IGF1R: variants seen among roughly 807,000 people sequenced by gnomAD.
IGF1R encodes the protein insulin-like growth factor 1 receptor.
Under a neutral mutation model 144.6 loss-of-function variants are expected in IGF1R, and 44 were observed. The ratio of observed to expected loss-of-function variants is 0.30; its 90% CI spans 0.24 to 0.39. The LOEUF (loss-of-function observed/expected upper bound fraction) is 0.39. IGF1R is among the 10% of genes least tolerant of loss of function. The probability of loss-of-function intolerance (pLI) is 1.00; values close to 1 mark genes in which losing one functional copy is unlikely to be tolerated. For synonymous variants in IGF1R, 795 were observed against 722.8 expected, an observed-to-expected ratio of 1.10 and a Z score of -1.60; for missense variants, 1,355 against 1,833.7, an observed-to-expected ratio of 0.74 and a Z score of 4.77.
chr15:98,708,010 G>C lies in IGF1R; in HGVS notation c.543G>C (p.Leu181=), dbSNP rs949947768. Residue 181 remains leucine, a synonymous_variant, in exon 2 of 21, where the codon CTG becomes CTC. Transcript: ENST00000650285. The part of the protein sequence containing the change: ...GNKPPKECGD[L]CPGTMEEKPM... Reference sequence around the variant, plus strand: ...AGCCCCCAAAGGAATGTGGGGACCTGTGTCCAGGGACCATGGAGGAGAAGC... The same window carrying C: ...AGCCCCCAAAGGAATGTGGGGACCTCTGTCCAGGGACCATGGAGGAGAAGC... The C allele has an allele frequency of 1.2e-6, 2 of 1,614,028 alleles. No homozygotes were observed. Among genetic ancestry groups the C allele is most frequent in the African/African-American group, 1.3e-5 (1 of 74,914 alleles).
At chr15:98,874,928 GC>G (rs1203639876) in intron 2 of IGF1R, among the ~76,000 whole-genome samples, 3 of 152,192 alleles carry the variant, frequency 2.0e-5, no homozygotes, top group East Asian at 3.8e-4. Context: ...CCTGGCTCGT[GC>G]TGCAGTGAAC....
At chr15:98,710,161 C>G (rs1289260093) in intron 2 of IGF1R, among the ~76,000 whole-genome samples, 1 of 152,146 alleles carries the variant, frequency 6.6e-6, no homozygotes, top group Non-Finnish European at 1.5e-5. Flanking sequence ...CAGACAGAGC[C>G]TTGATATCAC....
In IGF1R at chr15:98,960,490, C is replaced by T. The variant is rs968993170; in HGVS notation, c.*3048C>T. On this transcript the variant is annotated 3_prime_UTR_variant, in exon 21 of 21. Transcript: ENST00000650285. Reference sequence around the variant, plus strand: ...CCAACACATTTCGTCCTTAAGAGAGCAGTGGTTCCTCAGGTTCTGAGGAGA... The same window carrying T: ...CCAACACATTTCGTCCTTAAGAGAGTAGTGGTTCCTCAGGTTCTGAGGAGA... 1 of 233,178 alleles carries T rather than the reference C, an allele frequency of 4.3e-6. No individual in the cohort carries two copies. The highest frequency in any genetic ancestry group is 8.5e-6 in the Non-Finnish European group (1 of 118,066). 14.4% of individuals were successfully genotyped at this position (233,178 alleles called of 1,614,324 possible).
chr15:98,923,846 C>T (rs375654285), intron 11 of IGF1R, 30 bp from the exon 12 acceptor site: 7 of 1,610,466 alleles, frequency 4.3e-6, no homozygotes, highest in African/African-American at 2.7e-5. Context: ...GAACCCAAAT[C>T]CAACTTTGTC....
rs750787173 is a variant in IGF1R at position 98,899,589 on chromosome 15, T to G, written c.1215T>G (p.Leu405=). 14 of 1,614,034 alleles carry G rather than the reference T, an allele frequency of 8.7e-6. No individual in the cohort carries two copies. In the Admixed American group the frequency reaches 2.3e-4, roughly 27 times the overall value. Residue 405 remains leucine (L), a synonymous_variant, in exon 5 of 21, where the codon CTT becomes CTG. Coordinates refer to ENST00000650285, the MANE Select transcript of IGF1R (RefSeq NM_000875.5). ...TCTCCTTGTCCTTCCTAAAAAACCTTCGCCTCATCCTAGGAGAGGAGCAGC... is the reference window on the plus strand; with the variant it reads ...TCTCCTTGTCCTTCCTAAAAAACCTGCGCCTCATCCTAGGAGAGGAGCAGC... ...ALVSLSFLKN[L]RLILGEEQLE... is the part of the protein sequence containing the mutation.
In IGF1R at chr15:98,649,162, C is replaced by T. The variant is rs1409560290; in HGVS notation, c.-420C>T. The stretch of plus-strand genomic sequence containing the variant: ...GTCGCGCCCTCCCGCGGCGGAAGCT[C>T]GGGCGTCCGGCCGCCTCCCGCGCGG... On this transcript the variant is annotated 5_prime_UTR_variant, in exon 1 of 21. Transcript: ENST00000650285. 9.1e-6 allele frequency: 2 copies of T among 219,324 alleles called. No homozygotes were observed. Among genetic ancestry groups the T allele is most frequent in the East Asian group, 6.4e-5 (1 of 15,674 alleles). 13.6% of individuals were successfully genotyped at this position (219,324 alleles called of 1,614,324 possible).
At chr15:98,735,379 A>C (rs1327345840) in intron 2 of IGF1R, among the ~76,000 whole-genome samples, 1 of 152,216 alleles carries the variant, frequency 6.6e-6, no homozygotes, top group African/African-American at 2.4e-5. Flanking sequence ...TCTTCATTCT[A>C]AGGATCCAGG....
intron 2 of IGF1R, among the ~76,000 whole-genome samples, chr15:98,714,235 C>T (rs971301268): frequency 6.6e-6 from 1 of 152,076 alleles, no homozygotes; most frequent in Non-Finnish European, 1.5e-5. Flanking sequence ...TTGTCAGCCA[C>T]TGCTCACAAG....
chr15:98,889,075 A>T (rs1357570542), intron 2 of IGF1R, among the ~76,000 whole-genome samples: 2 of 152,220 alleles, frequency 1.3e-5, no homozygotes, highest in African/African-American at 4.8e-5. Flanking sequence ...AACTTAAGTC[A>T]TATGGCCACC....
At chr15:98,911,679 T>C (rs1038018774) in intron 7 of IGF1R, among the ~76,000 whole-genome samples, 6 of 152,166 alleles carry the variant, frequency 3.9e-5, no homozygotes, top group Admixed American at 2.0e-4. Context: ...TGTCATTCTT[T>C]AGTGAGTGAT....
rs1214298475 is a variant in IGF1R at position 98,962,377 on chromosome 15, A to T, written c.*4935A>T. The T allele has an allele frequency of 4.3e-6, 1 of 233,552 alleles. No individual in the cohort carries two copies. The highest frequency in any genetic ancestry group is 2.2e-5 in the African/African-American group (1 of 45,348). 14.5% of individuals were successfully genotyped at this position (233,552 alleles called of 1,614,324 possible). A position where few individuals can be genotyped will look rare whatever the true frequency, so the allele number is the denominator to read the frequency against. ...GTCTTCATTTCCTGGGCTAAGCAGC[A>T]TTGGGAGATGTGGACCAGAGATCCA... is the stretch of plus-strand genomic sequence containing the variant. On this transcript the variant is annotated 3_prime_UTR_variant, in exon 21 of 21. Coordinates refer to ENST00000650285, the MANE Select transcript of IGF1R (RefSeq NM_000875.5).
intron 2 of IGF1R, among the ~76,000 whole-genome samples, chr15:98,854,958 T>A (rs954195737): frequency 6.6e-6 from 1 of 151,260 alleles, no homozygotes; most frequent in South Asian, 2.1e-4. Context: ...CCAACACATG[T>A]GGAGTACCTT....
At chr15:98,858,812 T>TTTGAA (rs1451090668) in intron 2 of IGF1R, among the ~76,000 whole-genome samples, 2 of 152,230 alleles carry the variant, frequency 1.3e-5, no homozygotes, top group African/African-American at 4.8e-5. Context: ...TGCTTTTATT[T>TTTGAA]TTGAACAGCC....
intron 1 of IGF1R, among the ~76,000 whole-genome samples, chr15:98,701,140 C>G (rs1309888631): frequency 6.6e-6 from 1 of 151,996 alleles, no homozygotes; most frequent in Non-Finnish European, 1.5e-5. Context: ...CTTACTGAGA[C>G]AAAACCGACT....
chr15:98,946,163 A>G (rs535906695), intron 19 of IGF1R, among the ~76,000 whole-genome samples: 1 of 133,438 alleles, frequency 7.5e-6, no homozygotes, highest in South Asian at 2.6e-4. Context: ...CACCCTAAGT[A>G]TGGATTGTCA....
intron 2 of IGF1R, among the ~76,000 whole-genome samples, chr15:98,750,172 T>G (rs2054973995): frequency 6.6e-6 from 1 of 152,148 alleles, no homozygotes; most frequent in Non-Finnish European, 1.5e-5. Context: ...AAGTCTAAGG[T>G]GCAGGCAGGA....
chr15:98,784,419 A>G (rs891468062), intron 2 of IGF1R: 1 of 153,958 alleles, frequency 6.5e-6, no homozygotes, highest in Non-Finnish European at 1.5e-5. Context: ...CTGCTAGTAG[A>G]ATTTTTATTT....
chr15:98,741,864 GCAGTTGTATGTCTA>G (rs1329170108), intron 2 of IGF1R, among the ~76,000 whole-genome samples: 23 of 152,310 alleles, frequency 1.5e-4, no homozygotes, highest in African/African-American at 5.3e-4. Flanking sequence ...AAAACTGTAG[GCAGTTGTATGTCTA>G]GATTTCTATG....
In IGF1R at chr15:98,649,423, G is replaced by C. The variant is rs2052283822; in HGVS notation, c.-159G>C. On this transcript the variant is annotated 5_prime_UTR_variant, in exon 1 of 21. Transcript: ENST00000650285. Reference sequence around the variant, plus strand: ...CGCGCACCCGGAGGGCCCCGGCGGCGCCGCCTTCGGAGTATTGTTTCCTTC... The same window carrying C: ...CGCGCACCCGGAGGGCCCCGGCGGCCCCGCCTTCGGAGTATTGTTTCCTTC... 1 of 441,800 alleles carries C rather than the reference G, an allele frequency of 2.3e-6. No homozygotes were observed. The highest frequency in any genetic ancestry group is 4.6e-5 in the Admixed American group (1 of 21,908). The allele number at this position is 441,800 out of a possible 1,614,324, so 27.4% of individuals were successfully genotyped here. A position where few individuals can be genotyped will look rare whatever the true frequency, so the allele number is the denominator to read the frequency against.
Sources: allele counts gnomAD v4.1 joint callset (sites outside exome capture counted in the v4.1 genomes callset), GRCh38; gene constraint gnomAD v4.1.1; transcripts MANE v1.5; gene names NCBI Gene and HGNC (gene_info 2026-07-23, HGNC 2026-07-21).